Variants in GPC5 observed in about 807,000 individuals in gnomAD.
GPC5 encodes the protein glypican-5.
In GPC5, 47 loss-of-function variants were observed where a neutral mutation model predicts 53.9. That is an observed-to-expected ratio of 0.87 (90% CI 0.69 to 1.11). The LOEUF (loss-of-function observed/expected upper bound fraction) is 1.11, where lower values mean the gene tolerates loss of function less well. Ranked by LOEUF, GPC5 falls within the 50% of genes most tolerant of loss-of-function variation. The pLI is 0.00. For missense variants in GPC5, 748 were observed against 713.1 expected (o/e 1.05, Z -0.56); for synonymous variants, 286 against 263.3 (o/e 1.09, Z -0.84).
intron 7 of GPC5, among the ~76,000 whole-genome samples, chr13:92,531,790 G>A (rs1267266738): frequency 6.6e-6 from 1 of 152,174 alleles, no homozygotes; most frequent in Non-Finnish European, 1.5e-5. Context: ...GGTTTCCTGA[G>A]GGAAGGATAT....
At chr13:92,666,407 G>A (rs555241831) in intron 7 of GPC5, among the ~76,000 whole-genome samples, 35 of 152,160 alleles carry the variant, frequency 2.3e-4, no homozygotes, top group African/African-American at 5.8e-4. Context: ...AATATTTAAG[G>A]ATATAATCTG....
At chr13:92,441,211 G>T (rs1343730619) in intron 7 of GPC5, among the ~76,000 whole-genome samples, 1 of 152,090 alleles carries the variant, frequency 6.6e-6, no homozygotes, top group Admixed American at 6.5e-5. Flanking sequence ...AGCTGGGATA[G>T]GTGTGCACCA....
intron 2 of GPC5, among the ~76,000 whole-genome samples, chr13:91,633,193 T>C (rs963129589): frequency 6.6e-6 from 1 of 152,184 alleles, no homozygotes; most frequent in East Asian, 1.9e-4. Flanking sequence ...CCTTCAGTGT[T>C]GCAAATGCTA....
intron 7 of GPC5, among the ~76,000 whole-genome samples, chr13:92,408,999 C>T (rs1875926952): frequency 6.6e-6 from 1 of 151,924 alleles, no homozygotes; most frequent in Admixed American, 6.6e-5. Context: ...AAGGTTTGTA[C>T]AGTAAATGAT....
chr13:91,787,119 T>A (rs1035040629), intron 5 of GPC5, among the ~76,000 whole-genome samples: 6 of 152,208 alleles, frequency 3.9e-5, no homozygotes, highest in Non-Finnish European at 8.8e-5. Context: ...GGATTTTCTA[T>A]GTAGACAATC....
chr13:91,657,654 A>T (rs2034880280), intron 2 of GPC5, among the ~76,000 whole-genome samples: 1 of 152,104 alleles, frequency 6.6e-6, no homozygotes, highest in Admixed American at 6.6e-5. Context: ...GAGATGCTAA[A>T]CTCAAGTTTG....
intron 2 of GPC5, among the ~76,000 whole-genome samples, chr13:91,466,103 T>G (rs1231418414): frequency 6.6e-6 from 1 of 152,160 alleles, no homozygotes; most frequent in East Asian, 1.9e-4. Context: ...AAGGCCATGG[T>G]GCCCAGTCAA....
rs558837459 is a variant in GPC5 at position 91,942,020 on chromosome 13, A to G, written c.1401+33963A>G. Among the ~76,000 whole-genome samples, 62 of 152,280 alleles carry G rather than the reference A, an allele frequency of 4.1e-4. No individual in the cohort carries two copies. The South Asian group carries it at 0.012, about 30-fold the overall frequency. ...ATGTATCCATCACCTCAAGTGAATT[A>G]ACATATCCATCAACTCTATAATTAA... On this transcript the variant is annotated intron_variant, in intron 6 of 7. Coordinates refer to ENST00000377067, the MANE Select transcript of GPC5 (RefSeq NM_004466.6).
intron 1 of GPC5, among the ~76,000 whole-genome samples, chr13:91,431,184 T>C (rs1374087637): frequency 1.3e-5 from 2 of 152,130 alleles, no homozygotes; most frequent in Non-Finnish European, 2.9e-5. Context: ...CAGCCTACAG[T>C]TTATTTTCAA....
Position 92,206,164 on chromosome 13 carries a change from TTTA to T in GPC5, c.1561+61178_1561+61180del, listed in dbSNP as rs1566484686. Among the ~76,000 whole-genome samples, 641 of 67,770 alleles carry T rather than the reference TTTA, an allele frequency of 9.5e-3. 4 individuals carry two copies. Among genetic ancestry groups the T allele is most frequent in the African/African-American group, 0.04 (590 of 14,588 alleles). The allele number at this position is 67,770 out of a possible 152,430, so 44.5% of individuals were successfully genotyped here. ...TTGTTGTGTTTTTTTTATTTTTTTT[TTTA>T]TTTTTTTTTTTTTTTTGAGACAGAG... is the stretch of plus-strand genomic sequence containing the variant. On this transcript the variant is annotated intron_variant, in intron 7 of 7. Coordinates refer to ENST00000377067, the MANE Select transcript of GPC5 (RefSeq NM_004466.6).
intron 2 of GPC5, among the ~76,000 whole-genome samples, chr13:91,479,738 C>G (rs1883201502): frequency 6.6e-6 from 1 of 151,976 alleles, no homozygotes; most frequent in Non-Finnish European, 1.5e-5. Flanking sequence ...TAGAATATAA[C>G]TTCATTTTCT....
intron 7 of GPC5, among the ~76,000 whole-genome samples, chr13:92,383,757 TATAAC>T (rs2043769508): frequency 1.3e-5 from 2 of 152,296 alleles, no homozygotes; most frequent in South Asian, 4.1e-4. Context: ...ATGTCCTAAG[TATAAC>T]TAATAAATTA....
chr13:91,424,527 G>A (rs1249822775), intron 1 of GPC5, among the ~76,000 whole-genome samples: 2 of 151,990 alleles, frequency 1.3e-5, no homozygotes, highest in Non-Finnish European at 2.9e-5. Flanking sequence ...ACCACGCCCA[G>A]CTAATTTTTT....
chr13:91,695,036 C>T (rs1315820503), intron 3 of GPC5, among the ~76,000 whole-genome samples: 4 of 152,182 alleles, frequency 2.6e-5, no homozygotes, highest in African/African-American at 4.8e-5. Flanking sequence ...CCAGGTCCTG[C>T]GTGAGCCTTT....
intron 7 of GPC5, among the ~76,000 whole-genome samples, chr13:92,408,019 A>G (rs893690453): frequency 2.0e-5 from 3 of 152,202 alleles, no homozygotes; most frequent in African/African-American, 4.8e-5. Flanking sequence ...AGTGGAACTG[A>G]TCCGTGGCCC....
At chr13:92,785,284 A>G (rs1178288920) in intron 7 of GPC5, among the ~76,000 whole-genome samples, 2 of 152,116 alleles carry the variant, frequency 1.3e-5, no homozygotes, top group African/African-American at 2.4e-5. Context: ...TCAAAAAATA[A>G]TAAGAAGAAG....
intron 6 of GPC5, among the ~76,000 whole-genome samples, chr13:92,020,244 C>T (rs993978570): frequency 3.9e-5 from 6 of 152,092 alleles, no homozygotes; most frequent in Admixed American, 6.6e-5. Context: ...ATTTTAAACT[C>T]AGCTGATTAC....
rs1360342720 is a variant in GPC5 at position 92,479,518 on chromosome 13, G to A, written c.1561+334529G>A. 5.3e-5 allele frequency among the ~76,000 whole-genome samples: 8 copies of A among 152,292 alleles called. No homozygotes were observed. In the South Asian group the frequency reaches 6.2e-4, roughly 12 times the overall value. ...ATTCAGGTGATGAAGTAGAAAATGC[G>A]ACTATAGATGGCTCTAGAAGTTTTA... On this transcript the variant is annotated intron_variant, in intron 7 of 7. Transcript: ENST00000377067.
At chr13:92,758,100 A>T (rs979692319) in intron 7 of GPC5, among the ~76,000 whole-genome samples, 12 of 149,528 alleles carry the variant, frequency 8.0e-5, no homozygotes, top group African/African-American at 3.0e-4. Flanking sequence ...CAACAATGAT[A>T]GACTGGATTA....
Sources: allele counts gnomAD v4.1 joint callset (sites outside exome capture counted in the v4.1 genomes callset), GRCh38; gene constraint gnomAD v4.1.1; transcripts MANE v1.5; gene names NCBI Gene and HGNC (gene_info 2026-07-23, HGNC 2026-07-21).